The following SEMA5A variants were observed in gnomAD, a reference collection of about 807,000 sequenced individuals.
SEMA5A encodes semaphorin-5A.
Under a neutral mutation model 135.5 loss-of-function variants are expected in SEMA5A, and 55 were observed. That is an observed-to-expected ratio of 0.41 (90% CI 0.33 to 0.51). The LOEUF is 0.51. Ranked by LOEUF, SEMA5A falls within the 20% of genes least tolerant of loss-of-function variation. The pLI, the probability that SEMA5A is intolerant of heterozygous loss-of-function variation, is 0.37. For synonymous variants in SEMA5A, 580 were observed against 546.5 expected (o/e 1.06, Z -0.85); for missense variants, 1,290 against 1,419.9 (o/e 0.91, Z 1.47).
At chr5:9,277,132 C>T (rs1044529609) in intron 5 of SEMA5A, among the ~76,000 whole-genome samples, 1 of 152,230 alleles carries the variant, frequency 6.6e-6, no homozygotes, top group Non-Finnish European at 1.5e-5. Context: ...AAACAAACAA[C>T]CCCATCAAAA....
intron 5 of SEMA5A, among the ~76,000 whole-genome samples, chr5:9,311,406 A>G (rs1179918849): frequency 1.3e-5 from 2 of 152,038 alleles, no homozygotes; most frequent in Non-Finnish European, 1.5e-5. Context: ...ATGGAATACT[A>G]TGCAGCCATA....
intron 3 of SEMA5A, among the ~76,000 whole-genome samples, chr5:9,349,548 G>A (rs918161789): frequency 6.6e-6 from 1 of 152,202 alleles, no homozygotes; most frequent in Admixed American, 6.5e-5. Flanking sequence ...ACCATCCAAT[G>A]AAAATGTAAT....
intron 5 of SEMA5A, among the ~76,000 whole-genome samples, chr5:9,293,123 T>G (rs951369552): frequency 6.6e-6 from 1 of 152,210 alleles, no homozygotes; most frequent in Admixed American, 6.5e-5. Flanking sequence ...CCACTACCAC[T>G]GTTCATTTTT....
At chr5:9,538,196 C>A (rs1280070151) in intron 1 of SEMA5A, among the ~76,000 whole-genome samples, 4 of 147,602 alleles carry the variant, frequency 2.7e-5, no homozygotes, top group African/African-American at 7.4e-5. Context: ...TTCAGCATTA[C>A]ATTTTAACTG....
intron 1 of SEMA5A, among the ~76,000 whole-genome samples, chr5:9,538,507 ACT>A (rs751904302): frequency 5.9e-5 from 9 of 152,142 alleles, no homozygotes; most frequent in Non-Finnish European, 1.2e-4. Flanking sequence ...GGAGTTCCAG[ACT>A]CTGCAGCTCT....
chr5:9,175,062 T>A (rs1197133277), intron 11 of SEMA5A, among the ~76,000 whole-genome samples: 1 of 152,188 alleles, frequency 6.6e-6, no homozygotes, highest in Admixed American at 6.5e-5. Flanking sequence ...AGAATGACTG[T>A]GGTGGGCCAG....
intron 16 of SEMA5A, among the ~76,000 whole-genome samples, chr5:9,103,030 T>C (rs924182519): frequency 3.9e-5 from 6 of 152,194 alleles, no homozygotes; most frequent in African/African-American, 9.7e-5. Context: ...TCTACTTTCA[T>C]GGGTATGAGA....
chr5:9,372,753 G>A (rs1755194534), intron 3 of SEMA5A, among the ~76,000 whole-genome samples: 1 of 151,984 alleles, frequency 6.6e-6, no homozygotes, highest in Admixed American at 6.5e-5. Flanking sequence ...TATGCATAGA[G>A]CCATGAGACA....
At chr5:9,230,870 G>C (rs111926924) in intron 6 of SEMA5A, among the ~76,000 whole-genome samples, 2 of 152,084 alleles carry the variant, frequency 1.3e-5, no homozygotes, top group Non-Finnish European at 2.9e-5. Flanking sequence ...GAGGTGGGTG[G>C]TATTCGAGTT....
chr5:9,136,760 C>A, intron 12 of SEMA5A, 139 bp from the exon 13 acceptor site: 1 of 689,590 alleles, frequency 1.5e-6, no homozygotes, highest in South Asian at 1.7e-5. Flanking sequence ...AGGCTGCACA[C>A]TGGAGAGCAC....
intron 3 of SEMA5A, among the ~76,000 whole-genome samples, chr5:9,344,232 T>C (rs569245312): frequency 6.6e-6 from 1 of 152,342 alleles, no homozygotes; most frequent in South Asian, 2.1e-4. Context: ...ATCATTTTTG[T>C]TATAAAATTT....
intron 6 of SEMA5A, among the ~76,000 whole-genome samples, chr5:9,231,075 C>G (rs1036792913): frequency 6.6e-6 from 1 of 151,780 alleles, no homozygotes; most frequent in Non-Finnish European, 1.5e-5. Context: ...TCAACTGAAA[C>G]AGAATGTGAA....
At chr5:9,215,054 C>T (rs1280520641) in intron 8 of SEMA5A, among the ~76,000 whole-genome samples, 1 of 152,122 alleles carries the variant, frequency 6.6e-6, no homozygotes, top group Non-Finnish European at 1.5e-5. Context: ...CATAGCAGTA[C>T]TGTAGAGAGA....
At chr5:9,077,187 G>A (rs1231472662) in intron 16 of SEMA5A, among the ~76,000 whole-genome samples, 1 of 152,104 alleles carries the variant, frequency 6.6e-6, no homozygotes, top group African/African-American at 2.4e-5. Flanking sequence ...AGAGGATAGA[G>A]AAGCTGATCT....
intron 2 of SEMA5A, among the ~76,000 whole-genome samples, chr5:9,408,832 TTA>T (rs948635689): frequency 1.9e-4 from 29 of 151,022 alleles, no homozygotes; most frequent in African/African-American, 5.9e-4. Flanking sequence ...AAATTTTTAG[TTA>T]TTTTTTTTTT....
intron 5 of SEMA5A, among the ~76,000 whole-genome samples, chr5:9,308,393 A>T (rs779111027): frequency 3.3e-5 from 5 of 152,110 alleles, no homozygotes; most frequent in Non-Finnish European, 7.4e-5. Flanking sequence ...CTCAAATGGG[A>T]TTAACAGCGG....
At chr5:9,291,605 A>AAAG (rs1751083450) in intron 5 of SEMA5A, among the ~76,000 whole-genome samples, 2 of 126,676 alleles carry the variant, frequency 1.6e-5, no homozygotes, top group African/African-American at 5.1e-5. Flanking sequence ...GAGAGAGAGA[A>AAAG]AGAGAGAGAG....
chr5:9,099,977 C>G (rs1448497489), intron 16 of SEMA5A, among the ~76,000 whole-genome samples: 1 of 152,186 alleles, frequency 6.6e-6, no homozygotes, highest in Non-Finnish European at 1.5e-5. Context: ...GAAGAGAGAA[C>G]CTTTCCAGAA....
chr5:9,491,915 T>C (rs1735028237), intron 1 of SEMA5A, among the ~76,000 whole-genome samples: 1 of 152,192 alleles, frequency 6.6e-6, no homozygotes, highest in South Asian at 2.1e-4. Flanking sequence ...GTCCTCAACT[T>C]ACAGACAAAC....
Sources: gnomAD v4.1 joint callset for allele counts (sites outside exome capture counted in the v4.1 genomes callset) on GRCh38, gnomAD v4.1.1 for gene constraint, MANE v1.5 for transcripts, NCBI Gene and HGNC (gene_info 2026-07-23, HGNC 2026-07-21) for gene names.